The following RNF128 variants were observed in gnomAD, a reference collection of about 807,000 sequenced individuals.
RNF128 encodes E3 ubiquitin-protein ligase RNF128.
A neutral mutation model predicts 26.2 loss-of-function variants in RNF128; 13 were observed. The observed-to-expected ratio is 0.50, with a 90% CI of 0.32 to 0.79. The LOEUF (loss-of-function observed/expected upper bound fraction) is 0.79, where lower values mean the gene tolerates loss of function less well. Ranked by LOEUF, RNF128 falls within the 30% of genes least tolerant of loss-of-function variation. The probability of loss-of-function intolerance (pLI) is 0.03; values close to 1 mark genes in which losing one functional copy is unlikely to be tolerated. For synonymous variants in RNF128, 149 were observed against 142.5 expected (o/e 1.05, Z -0.32); for missense variants, 315 against 349.7 (o/e 0.90, Z 0.79).
intron 1 of RNF128, among the ~76,000 whole-genome samples, chrX:106,701,296 C>G (rs1214404527): frequency 9.0e-6 from 1 of 111,159 alleles, no homozygotes; most frequent in Non-Finnish European, 1.9e-5. Flanking sequence ...AAAAAGTGCT[C>G]CCACCGTTCT....
At chrX:106,788,071 C>A in intron 4 of RNF128, 71 bp downstream of exon 4, 1 of 564,316 alleles carries the variant, frequency 1.8e-6, no homozygotes, top group Non-Finnish European at 2.7e-6. Flanking sequence ...TGGAAGAAAA[C>A]TATTTTGAAT....
At chrX:106,793,033 T>C (rs1177113449) in intron 6 of RNF128, among the ~76,000 whole-genome samples, 1 of 111,755 alleles carries the variant, frequency 8.9e-6, no homozygotes. Flanking sequence ...GTCACATCAT[T>C]GGGCTAAGTT....
chrX:106,733,226 T>A (rs1929530903), intron 1 of RNF128, among the ~76,000 whole-genome samples: 1 of 111,365 alleles, frequency 9.0e-6, no homozygotes, highest in Admixed American at 9.6e-5. Flanking sequence ...GATTTTGGTA[T>A]CATTGGGAGG....
At chrX:106,782,634 A>C in intron 2 of RNF128, among the ~76,000 whole-genome samples, 1 of 112,280 alleles carries the variant, frequency 8.9e-6, no homozygotes, top group East Asian at 2.8e-4. Flanking sequence ...CTCTAAAATG[A>C]GGATATTACC....
At chrX:106,768,404 G>T (rs1368905539) in intron 1 of RNF128, among the ~76,000 whole-genome samples, 2 of 111,472 alleles carry the variant, frequency 1.8e-5, no homozygotes, top group Non-Finnish European at 3.8e-5. Flanking sequence ...GCTGTTATTG[G>T]TCTATTCAGA....
intron 4 of RNF128, among the ~76,000 whole-genome samples, chrX:106,789,622 G>A (rs1930784088): frequency 9.6e-6 from 1 of 104,255 alleles, no homozygotes; most frequent in Non-Finnish European, 2.0e-5. Flanking sequence ...CTGGATTAAT[G>A]TTAAATTTAT....
At chrX:106,696,513 C>T (rs1344445761) in intron 1 of RNF128, among the ~76,000 whole-genome samples, 1 of 111,457 alleles carries the variant, frequency 9.0e-6, no homozygotes, top group Non-Finnish European at 1.9e-5. Flanking sequence ...TCTTTTCACT[C>T]GTGTTTTGTT....
intron 6 of RNF128, among the ~76,000 whole-genome samples, chrX:106,791,973 A>C (rs549233521): frequency 1.8e-5 from 2 of 111,309 alleles, no homozygotes; most frequent in South Asian, 7.6e-4. Flanking sequence ...GTATAAAAGT[A>C]AAACAAAAAC....
chrX:106,762,332 T>TTTA (rs1930133198), intron 1 of RNF128, among the ~76,000 whole-genome samples: 1 of 108,563 alleles, frequency 9.2e-6, no homozygotes, highest in Non-Finnish European at 1.9e-5. Flanking sequence ...TTTTTTTTTT[T>TTTA]GAGATGGAGT....
intron 1 of RNF128, among the ~76,000 whole-genome samples, chrX:106,756,226 GA>G (rs892687765): frequency 9.0e-6 from 1 of 111,072 alleles, no homozygotes; most frequent in African/African-American, 3.3e-5. Context: ...CACAGAATTG[GA>G]AAAAACTACT....
chrX:106,751,894 C>T (rs182118736), intron 1 of RNF128, among the ~76,000 whole-genome samples: 113 of 110,530 alleles, frequency 1.0e-3, no homozygotes, highest in Middle Eastern at 9.3e-3. Context: ...TCACCATGAG[C>T]CTTGGGCAAG....
intron 1 of RNF128, among the ~76,000 whole-genome samples, chrX:106,754,410 C>CTTTTTTTTTTTTTTTTTTT (rs150895665): frequency 2.8e-5 from 1 of 35,758 alleles, no homozygotes; most frequent in African/African-American, 1.3e-4. Flanking sequence ...TTTTCTTTCT[C>CTTTTTTTTTTTTTTTTTTT]TTTTTTTTTT....
At chrX:106,767,287 C>T (rs1207060037) in intron 1 of RNF128, among the ~76,000 whole-genome samples, 2 of 111,738 alleles carry the variant, frequency 1.8e-5, no homozygotes, top group East Asian at 5.6e-4. Flanking sequence ...GGCATTGAAT[C>T]TATAAATTAC....
upstream of RNF128, among the ~76,000 whole-genome samples, chrX:106,724,362 C>T (rs1258913681): frequency 1.8e-5 from 2 of 111,173 alleles, no homozygotes; most frequent in Non-Finnish European, 3.8e-5. Context: ...TTCTCATTCC[C>T]TCCAATCTAT....
chrX:106,726,672 C>T, upstream of RNF128: 5 of 1,004,198 alleles, frequency 5.0e-6, no homozygotes, highest in Non-Finnish European at 6.3e-6. Context: ...GAGCTTCACG[C>T]TAAAGCCCCA....
intron 6 of RNF128, among the ~76,000 whole-genome samples, chrX:106,794,878 C>A (rs1930887594): frequency 9.0e-6 from 1 of 110,987 alleles, no homozygotes; most frequent in South Asian, 3.8e-4. Flanking sequence ...GAGAAATATT[C>A]TTTTTATCCA....
chrX:106,754,955 AAAAC>A (rs1929973718), intron 1 of RNF128, among the ~76,000 whole-genome samples: 1 of 111,813 alleles, frequency 8.9e-6, no homozygotes, highest in Admixed American at 9.5e-5. Flanking sequence ...TTGAAATAAA[AAAAC>A]ACAAAACATC....
intron 4 of RNF128, among the ~76,000 whole-genome samples, chrX:106,788,431 TATA>T (rs1276411034): frequency 1.2e-4 from 6 of 48,056 alleles, no homozygotes; most frequent in South Asian, 1.2e-3. Flanking sequence ...ATATATTATA[TATA>T]ATATTATTAT....
chrX:106,752,082 C>G lies in RNF128; in HGVS notation c.485-20831C>G, dbSNP rs751102026. On this transcript the variant is annotated intron_variant, in intron 1 of 6. Transcript: ENST00000255499. ...ATTCCTAAAGTTCCTGACTCCAGAC[C>G]CTACCTCCCAGACAGCATTTCTAGA... 5.0e-4 allele frequency among the ~76,000 whole-genome samples: 55 copies of G among 110,419 alleles called. No individual in the cohort carries two copies. The South Asian group carries it at 0.021, about 42-fold the overall frequency.
Sources: allele counts gnomAD v4.1 joint callset (sites outside exome capture counted in the v4.1 genomes callset), GRCh38; gene constraint gnomAD v4.1.1; transcripts MANE v1.5; gene names NCBI Gene and HGNC (gene_info 2026-07-23, HGNC 2026-07-21).